Variants in OSBPL5 observed in about 807,000 individuals in gnomAD.
OSBPL5 encodes oxysterol binding protein like 5, also known as oxysterol-binding protein-related protein 5.
OSBPL5 carries 71 observed loss-of-function variants against 111.2 expected under a neutral mutation model. The ratio of observed to expected loss-of-function variants is 0.64; its 90% CI spans 0.53 to 0.78. The LOEUF is 0.78. OSBPL5 is among the 30% of genes least tolerant of loss of function. OSBPL5 has a pLI of 0.00. For missense variants in OSBPL5, 1,210 were observed against 1,189.3 expected (o/e 1.02, Z -0.26); for synonymous variants, 549 against 513.9 (o/e 1.07, Z -0.93).
In OSBPL5 at chr11:3,119,562, C is replaced by A; in HGVS notation, c.676G>T (p.Ala226Ser). 1 of 1,576,802 alleles carries A rather than the reference C, an allele frequency of 6.3e-7. No individual in the cohort carries two copies. The highest frequency in any genetic ancestry group is 8.6e-7 in the Non-Finnish European group (1 of 1,165,828). The change falls in exon 7 of 22, where the codon GCC becomes TCC. Residue 226 changes from alanine to serine, a missense_variant. Physicochemically the swap from Ala to Ser is moderately conservative, Grantham distance 99 (BLOSUM62 1). Transcript: ENST00000263650. Reference sequence around the variant, plus strand: ...AGGGACTCACCATCTGACTCGGAGGCGGCCCTGAAGATCAGGTAGCTGCTG... The same window carrying A: ...AGGGACTCACCATCTGACTCGGAGGAGGCCCTGAAGATCAGGTAGCTGCTG... Reference protein sequence around the residue: ...LPSSYLIFRAASESDGRCWLD... With the variant: ...LPSSYLIFRASSESDGRCWLD...
In OSBPL5 at chr11:3,113,668, T is replaced by A. The variant is rs888335139; in HGVS notation, c.692-5723A>T. Reference sequence around the variant, plus strand: ...AGACTCCGTCTCAAAAAAAAAAAAATTTATATTGGTTTAATAAAAATAGCT... The same window carrying A: ...AGACTCCGTCTCAAAAAAAAAAAAAATTATATTGGTTTAATAAAAATAGCT... On this transcript the variant is annotated intron_variant, in intron 7 of 21. Transcript: ENST00000263650. The surrounding 1 kb of genome is among the most constrained non-coding windows in gnomAD (Gnocchi z 4.8). 1.2e-4 allele frequency among the ~76,000 whole-genome samples: 18 copies of A among 151,580 alleles called. No individual in the cohort carries two copies. The highest frequency in any genetic ancestry group is 4.6e-4 in the Admixed American group (7 of 15,218).
At chr11:3,159,857 G>A (rs1479539824) in intron 1 of OSBPL5, among the ~76,000 whole-genome samples, 2 of 152,134 alleles carry the variant, frequency 1.3e-5, no homozygotes, top group South Asian at 2.1e-4. Flanking sequence ...GACCATCTAG[G>A]GCCAGCCATG....
intron 14 of OSBPL5, among the ~76,000 whole-genome samples, chr11:3,095,325 A>G (rs959238436): frequency 1.6e-3 from 248 of 151,720 alleles, no homozygotes; most frequent in African/African-American, 5.6e-3. Context: ...AAAAAAAAAA[A>G]AAAGAAAAGA....
At chr11:3,114,425 C>T (rs952142567) in intron 7 of OSBPL5, among the ~76,000 whole-genome samples, 5 of 151,244 alleles carry the variant, frequency 3.3e-5, no homozygotes, top group Non-Finnish European at 5.9e-5. Context: ...AAAGTCCAAG[C>T]GTGGCATGAA....
chr11:3,164,815 C>A (rs1013126116), intron 1 of OSBPL5, among the ~76,000 whole-genome samples: 1 of 152,184 alleles, frequency 6.6e-6, no homozygotes, highest in African/African-American at 2.4e-5. Flanking sequence ...GGGGACAGAC[C>A]CCCTGATTGG....
rs1214915730 is a variant in OSBPL5 at position 3,161,644 on chromosome 11, G to A, written c.-22+3572C>T. The stretch of plus-strand genomic sequence containing the variant: ...CCGCGCACCAGCGGCACCCACCAGG[G>A]ACAGATGCCACGCACCAGCGGCGCC... On this transcript the variant is annotated intron_variant, in intron 1 of 21. Coordinates refer to ENST00000263650, the MANE Select transcript of OSBPL5 (RefSeq NM_020896.4). The surrounding 1 kb of genome is among the most constrained non-coding windows in gnomAD (Gnocchi z 8.0). Among the ~76,000 whole-genome samples, 1 of 152,134 alleles carries A rather than the reference G, an allele frequency of 6.6e-6. No individual in the cohort carries two copies. The highest frequency in any genetic ancestry group is 1.5e-5 in the Non-Finnish European group (1 of 68,026).
intron 1 of OSBPL5, among the ~76,000 whole-genome samples, chr11:3,147,924 G>A (rs570980492): frequency 1.3e-5 from 2 of 152,164 alleles, no homozygotes; most frequent in African/African-American, 4.8e-5. Context: ...CATGGCCCTG[G>A]CCTCACCGAG....
At chr11:3,143,876 G>A (rs1483157595) in intron 1 of OSBPL5, among the ~76,000 whole-genome samples, 1 of 152,216 alleles carries the variant, frequency 6.6e-6, no homozygotes, top group African/African-American at 2.4e-5. Flanking sequence ...GCCCGAGGAA[G>A]GCACCCGGGC....
intron 7 of OSBPL5, among the ~76,000 whole-genome samples, chr11:3,114,817 G>A (rs1417165716): frequency 6.6e-6 from 1 of 151,890 alleles, no homozygotes; most frequent in Non-Finnish European, 1.5e-5. Context: ...TAGCCAGGAT[G>A]GTCTTGATCT....
chr11:3,148,592 G>A lies in OSBPL5; in HGVS notation c.-22+16624C>T, dbSNP rs148031911. On this transcript the variant is annotated intron_variant, in intron 1 of 21. Coordinates refer to ENST00000263650, the MANE Select transcript of OSBPL5 (RefSeq NM_020896.4). Reference sequence around the variant, plus strand: ...TCCATGACGGCAGGGCGGGGGCACCGTCCTCTGCACTTTTGTACATCTTTG... The same window carrying A: ...TCCATGACGGCAGGGCGGGGGCACCATCCTCTGCACTTTTGTACATCTTTG... Among the ~76,000 whole-genome samples, 98 of 152,324 alleles carry A rather than the reference G, an allele frequency of 6.4e-4. 1 individual carries two copies. The highest frequency in any genetic ancestry group is 2.0e-3 in the African/African-American group (83 of 41,574).
intron 11 of OSBPL5, 127 bp downstream of exon 11, chr11:3,103,112 C>T (rs1443599654): frequency 3.9e-6 from 3 of 774,162 alleles, no homozygotes; most frequent in Non-Finnish European, 6.1e-6. Context: ...GTGGGGGTGA[C>T]CAGGATCCTT....
At chr11:3,093,921 T>C (rs1375495673) in intron 15 of OSBPL5, 86 bp from the exon 16 acceptor site, 7 of 1,485,764 alleles carry the variant, frequency 4.7e-6, no homozygotes, top group African/African-American at 1.4e-5. Flanking sequence ...GGAACAGTTA[T>C]TCTCTTGGGG....
At chr11:3,163,335 C>T (rs1241354287) in intron 1 of OSBPL5, among the ~76,000 whole-genome samples, 1 of 152,170 alleles carries the variant, frequency 6.6e-6, no homozygotes, top group Non-Finnish European at 1.5e-5. Context: ...GCAGAGAGCA[C>T]CAGTCCCCAA....
chr11:3,157,836 G>C (rs1483071243), intron 1 of OSBPL5, among the ~76,000 whole-genome samples: 4 of 152,374 alleles, frequency 2.6e-5, no homozygotes, highest in Non-Finnish European at 5.9e-5. Flanking sequence ...GGGCAGGAAA[G>C]AGCCACATAG....
At chr11:3,093,994 C>T (rs1857159468) in intron 15 of OSBPL5, among the ~76,000 whole-genome samples, 159 bp from the exon 16 acceptor site, 1 of 152,146 alleles carries the variant, frequency 6.6e-6, no homozygotes. Flanking sequence ...GACCCCCACG[C>T]CTCCGCTCAA....
intron 7 of OSBPL5, among the ~76,000 whole-genome samples, chr11:3,112,068 TGTGTGC>T (rs753658217): frequency 0.1 from 7,622 of 72,852 alleles, 441 homozygotes; most frequent in African/African-American, 0.23. Flanking sequence ...TGTGTATGTG[TGTGTGC>T]ATGTGTGTGT....
intron 1 of OSBPL5, among the ~76,000 whole-genome samples, chr11:3,143,565 G>A (rs989660251): frequency 1.4e-4 from 21 of 152,342 alleles, no homozygotes; most frequent in African/African-American, 5.1e-4. Flanking sequence ...CGACACGGAT[G>A]AGCCGCAGAG....
intron 14 of OSBPL5, among the ~76,000 whole-genome samples, chr11:3,099,937 G>A (rs903862463): frequency 1.3e-5 from 2 of 148,192 alleles, no homozygotes; most frequent in East Asian, 2.0e-4. Flanking sequence ...GCGTGGTGGC[G>A]CATGCCTGTA....
intron 1 of OSBPL5, among the ~76,000 whole-genome samples, chr11:3,144,633 T>C (rs1306970484): frequency 2.0e-5 from 3 of 152,142 alleles, no homozygotes; most frequent in African/African-American, 7.2e-5. Flanking sequence ...CACACGTGGG[T>C]GGTCTGACTT....
Sources: allele counts gnomAD v4.1 joint callset (sites outside exome capture counted in the v4.1 genomes callset), GRCh38; gene constraint gnomAD v4.1.1; non-coding constraint Gnocchi (gnomAD v3.1); transcripts MANE v1.5; gene names NCBI Gene and HGNC (gene_info 2026-07-23, HGNC 2026-07-21).